PHF6: variants seen among roughly 807,000 people sequenced by gnomAD.
PHF6 encodes PHD finger protein 6.
In PHF6, 7 loss-of-function variants were observed where a neutral mutation model predicts 34.0. That is an observed-to-expected ratio of 0.21 (90% CI 0.12 to 0.39). The LOEUF (loss-of-function observed/expected upper bound fraction) is 0.39. Ranked by LOEUF, PHF6 falls within the 10% of genes least tolerant of loss-of-function variation. The pLI is 1.00. For missense variants in PHF6, 128 were observed against 262.8 expected (o/e 0.49, Z 3.55); for synonymous variants, 89 against 88.4 (o/e 1.01, Z -0.04).
At chrX:134,407,101 T>C (rs192542326) in intron 5 of PHF6, among the ~76,000 whole-genome samples, 165 of 112,326 alleles carry the variant, frequency 1.5e-3, no homozygotes, top group Non-Finnish European at 3.4e-4. Context: ...TCTGCCATTC[T>C]CTAGCTTTGT....
chrX:134,417,145 G>A (rs377696570), intron 8 of PHF6, 24 bp from the exon 9 acceptor site: 98 of 1,207,009 alleles, frequency 8.1e-5, no homozygotes, highest in Non-Finnish European at 1.1e-4. Flanking sequence ...TACGGCTTAC[G>A]ATTATTTCTC....
At chrX:134,405,861 A>G (rs955089528) in intron 5 of PHF6, among the ~76,000 whole-genome samples, 1 of 107,854 alleles carries the variant, frequency 9.3e-6, no homozygotes, top group Non-Finnish European at 1.9e-5. Context: ...TAAATGATTT[A>G]TATATATATA....
intron 10 of PHF6, 114 bp downstream of exon 10, chrX:134,425,444 A>G: frequency 1.1e-6 from 1 of 913,788 alleles, no homozygotes; most frequent in Non-Finnish European, 1.6e-6. Context: ...TGTTTAGTTA[A>G]GAGCATGTTA....
intron 5 of PHF6, among the ~76,000 whole-genome samples, chrX:134,411,530 GTTAT>G (rs749361246): frequency 1.7e-3 from 187 of 109,888 alleles, no homozygotes; most frequent in African/African-American, 5.8e-3. Flanking sequence ...TTTGTTTATT[GTTAT>G]TTATTAAACA....
chrX:134,382,814 T>C (rs1242904585), intron 3 of PHF6, among the ~76,000 whole-genome samples: 1 of 110,616 alleles, frequency 9.0e-6, no homozygotes, highest in Admixed American at 9.7e-5. Context: ...GTGATCCGCC[T>C]GCCTCTGCAG....
At chrX:134,386,113 A>G (rs1166885882) in intron 3 of PHF6, among the ~76,000 whole-genome samples, 1 of 111,920 alleles carries the variant, frequency 8.9e-6, no homozygotes, top group African/African-American at 3.2e-5. Context: ...GAAGTCAAAG[A>G]CAAACAATTT....
Position 134,425,134 on chromosome X carries a change from A to G in PHF6, c.969-67A>G. 5 of 1,174,066 alleles carry G rather than the reference A, an allele frequency of 4.3e-6. No homozygotes were observed. The South Asian group carries it at 7.1e-5, about 17-fold the overall frequency. On this transcript the variant is annotated intron_variant, in intron 9 of 10. Coordinates refer to ENST00000370803, the MANE Select transcript of PHF6 (RefSeq NM_001015877.2). ...TAAATGGGCACTAGCCTCATCCACTAATGTTGGCAGGAATGTTCATCAGCA... is the reference window on the plus strand; with the variant it reads ...TAAATGGGCACTAGCCTCATCCACTGATGTTGGCAGGAATGTTCATCAGCA...
intron 5 of PHF6, among the ~76,000 whole-genome samples, chrX:134,398,451 G>A (rs894269532): frequency 9.0e-6 from 1 of 111,457 alleles, no homozygotes; most frequent in Non-Finnish European, 1.9e-5. Flanking sequence ...AGAATACATG[G>A]GCCACAATGG....
intron 3 of PHF6, among the ~76,000 whole-genome samples, chrX:134,391,383 A>T (rs2077354038): frequency 8.9e-6 from 1 of 112,084 alleles, no homozygotes; most frequent in African/African-American, 3.2e-5. Flanking sequence ...TATTTTTTAG[A>T]CTAGGTTTAT....
intron 8 of PHF6, among the ~76,000 whole-genome samples, chrX:134,415,791 C>T (rs551196999): frequency 8.6e-4 from 94 of 109,928 alleles, no homozygotes; most frequent in Middle Eastern, 4.7e-3. Context: ...AAATTTGTGG[C>T]GCTTGTTTCA....
chrX:134,402,453 T>C (rs1464583321), intron 5 of PHF6, among the ~76,000 whole-genome samples: 2 of 111,882 alleles, frequency 1.8e-5, no homozygotes, highest in African/African-American at 6.5e-5. Flanking sequence ...TGAAATAAGG[T>C]CTGTATTTGA....
At chrX:134,415,172 A>G in intron 8 of PHF6, 52 bp downstream of exon 8, 1 of 1,207,999 alleles carries the variant, frequency 8.3e-7, no homozygotes, top group African/African-American at 1.7e-5. Context: ...TTGCTGCTTT[A>G]AATTTAGAGT....
chrX:134,387,122 A>G (rs1035918524), intron 3 of PHF6, among the ~76,000 whole-genome samples: 4 of 111,447 alleles, frequency 3.6e-5, no homozygotes, highest in Admixed American at 2.9e-4. Context: ...ATTTTAATGT[A>G]TGCAGATATT....
At chrX:134,404,783 G>A (rs1365325593) in intron 5 of PHF6, among the ~76,000 whole-genome samples, 6 of 111,946 alleles carry the variant, frequency 5.4e-5, no homozygotes, top group Middle Eastern at 4.2e-3. Context: ...CTTCACCAGC[G>A]AAAAGATTAC....
At chrX:134,383,242 C>A (rs867934379) in intron 3 of PHF6, among the ~76,000 whole-genome samples, 1 of 102,983 alleles carries the variant, frequency 9.7e-6, no homozygotes, top group Non-Finnish European at 2.0e-5. Flanking sequence ...GGTCCTGTCT[C>A]AAAAAAAAAA....
chrX:134,414,099 C>G, intron 7 of PHF6, 133 bp downstream of exon 7: 1 of 601,470 alleles, frequency 1.7e-6, no homozygotes, highest in Admixed American at 2.7e-5. Context: ...TTCCCCCCAC[C>G]AGCATTAGTA....
rs764226570 is a variant in PHF6 at position 134,382,805 on chromosome X, T to TGATC, written c.240+4700_240+4703dup. 4.0e-3 allele frequency among the ~76,000 whole-genome samples: 441 copies of TGATC among 110,321 alleles called. 3 individuals are homozygous for TGATC. Among genetic ancestry groups the TGATC allele is most frequent in the Non-Finnish European group, 6.5e-3 (345 of 52,816 alleles). On this transcript the variant is annotated intron_variant, in intron 3 of 10. Coordinates refer to ENST00000370803, the MANE Select transcript of PHF6 (RefSeq NM_001015877.2). ...CAGGTCTCAAACTCCTGACCTCAGG[T>TGATC]GATCCGCCTGCCTCTGCAGATAGCT...
rs1277826508 is a variant in PHF6 at position 134,426,981 on chromosome X, G to A, written c.*1321G>A. Reference sequence around the variant, plus strand: ...AAGAAATAATAATGTTAACTTGACTGTACATTGAGATATTCTGCAGCTGAT... The same window carrying A: ...AAGAAATAATAATGTTAACTTGACTATACATTGAGATATTCTGCAGCTGAT... On this transcript the variant is annotated 3_prime_UTR_variant, in exon 11 of 11. Coordinates refer to ENST00000370803, the MANE Select transcript of PHF6 (RefSeq NM_001015877.2). The A allele has an allele frequency of 1.2e-5, 2 of 163,169 alleles. No homozygotes were observed. Among genetic ancestry groups the A allele is most frequent in the Non-Finnish European group, 2.4e-5 (2 of 84,392 alleles). 13.4% of individuals were successfully genotyped at this position (163,169 alleles called of 1,213,427 possible).
intron 9 of PHF6, 126 bp from the exon 10 acceptor site, chrX:134,425,075 A>AT: frequency 1.2e-6 from 1 of 819,464 alleles, no homozygotes; most frequent in Non-Finnish European, 1.8e-6. Context: ...ATTGGGGAGT[A>AT]TTTTTTAAAG....
Sources: allele counts gnomAD v4.1 joint callset (sites outside exome capture counted in the v4.1 genomes callset), GRCh38; gene constraint gnomAD v4.1.1; transcripts MANE v1.5; gene names NCBI Gene and HGNC (gene_info 2026-07-23, HGNC 2026-07-21).